Variants in MAGI2 observed in about 807,000 individuals in gnomAD.
MAGI2 encodes membrane-associated guanylate kinase, WW and PDZ domain-containing protein 2.
Under a neutral mutation model 133.3 loss-of-function variants are expected in MAGI2, and 35 were observed. That is an observed-to-expected ratio of 0.26 (90% CI 0.20 to 0.35). The LOEUF is 0.35. MAGI2 is among the 10% of genes least tolerant of loss of function. The probability of loss-of-function intolerance (pLI) is 1.00; values close to 1 mark genes in which losing one functional copy is unlikely to be tolerated. For synonymous variants in MAGI2, 729 were observed against 710.6 expected (o/e 1.03, Z -0.41); for missense variants, 1,636 against 1,863.4 (o/e 0.88, Z 2.25).
At chr7:78,819,326 T>G (rs560732815) in intron 2 of MAGI2, among the ~76,000 whole-genome samples, 1 of 152,090 alleles carries the variant, frequency 6.6e-6, no homozygotes, top group Non-Finnish European at 1.5e-5. Flanking sequence ...TGTATGTAAA[T>G]TTGTCTCCTT....
chr7:78,659,217 G>A (rs747987951), intron 2 of MAGI2, among the ~76,000 whole-genome samples: 27 of 151,918 alleles, frequency 1.8e-4, no homozygotes, highest in Non-Finnish European at 3.4e-4. Context: ...TTGGGAGGCC[G>A]AGGCAGGCGG....
At chr7:79,229,809 T>G (rs1053482770) in intron 1 of MAGI2, among the ~76,000 whole-genome samples, 3 of 152,062 alleles carry the variant, frequency 2.0e-5, no homozygotes, top group Non-Finnish European at 4.4e-5. Flanking sequence ...TTTTTATTAT[T>G]ATACTTTAGG....
intron 1 of MAGI2, among the ~76,000 whole-genome samples, chr7:79,141,637 G>A (rs184303150): frequency 1.3e-5 from 2 of 152,006 alleles, no homozygotes; most frequent in Admixed American, 1.3e-4. Flanking sequence ...AATGCAAATG[G>A]CCAAATAACG....
intron 1 of MAGI2, among the ~76,000 whole-genome samples, chr7:79,441,697 A>C (rs1848507122): frequency 6.6e-6 from 1 of 152,074 alleles, no homozygotes; most frequent in Non-Finnish European, 1.5e-5. Context: ...TCTTCACTTT[A>C]TGGCAAAAAC....
At chr7:78,193,687 T>C (rs1196376227) in intron 12 of MAGI2, among the ~76,000 whole-genome samples, 1 of 152,146 alleles carries the variant, frequency 6.6e-6, no homozygotes, top group Non-Finnish European at 1.5e-5. Flanking sequence ...CCTAAAAATA[T>C]TTCATTTGTT....
chr7:79,012,846 C>T (rs923209489), intron 1 of MAGI2, among the ~76,000 whole-genome samples: 4 of 152,042 alleles, frequency 2.6e-5, no homozygotes, highest in Non-Finnish European at 5.9e-5. Context: ...CCAACAGATC[C>T]GGTGCCTGGT....
chr7:78,663,132 T>G (rs1362074038), intron 2 of MAGI2, among the ~76,000 whole-genome samples: 1 of 152,058 alleles, frequency 6.6e-6, no homozygotes, highest in Non-Finnish European at 1.5e-5. Flanking sequence ...TCTTCCCATT[T>G]TCTTCTATTT....
At chr7:78,758,623 C>T (rs1032571345) in intron 2 of MAGI2, among the ~76,000 whole-genome samples, 1 of 152,190 alleles carries the variant, frequency 6.6e-6, no homozygotes, top group East Asian at 1.9e-4. Flanking sequence ...TTCATGACCA[C>T]AGAGCTTGCC....
chr7:78,570,967 G>T (rs1204046028), intron 3 of MAGI2, among the ~76,000 whole-genome samples: 1 of 152,098 alleles, frequency 6.6e-6, no homozygotes. Flanking sequence ...TGAGGCTGGA[G>T]CAAAATTAGG....
In MAGI2 at chr7:78,567,453, T is replaced by C. The variant is rs116092792; in HGVS notation, c.539-45808A>G. Among the ~76,000 whole-genome samples the C allele has an allele frequency of 7.0e-3, 1,070 of 152,188 alleles. 10 individuals carry two copies. The highest frequency in any genetic ancestry group is 0.024 in the African/African-American group (1,010 of 41,528). On this transcript the variant is annotated intron_variant, in intron 3 of 21. Transcript: ENST00000354212. ...TGCATGACAAATGAGTGACTTTTTT[T>C]CTCTCACACAGACAGAAATATTTCT... is the stretch of plus-strand genomic sequence containing the variant.
chr7:78,316,706 A>C (rs1787442893), intron 9 of MAGI2, among the ~76,000 whole-genome samples: 1 of 152,228 alleles, frequency 6.6e-6, no homozygotes, highest in Non-Finnish European at 1.5e-5. Context: ...GAGTCAACTA[A>C]GGTGAAGAAA....
chr7:78,322,230 C>T (rs534877313), intron 9 of MAGI2, among the ~76,000 whole-genome samples: 14 of 152,100 alleles, frequency 9.2e-5, no homozygotes, highest in Non-Finnish European at 2.1e-4. Context: ...AGAACCAGAA[C>T]TACCATTTGA....
intron 2 of MAGI2, among the ~76,000 whole-genome samples, chr7:78,678,786 C>T (rs552658260): frequency 6.6e-6 from 1 of 152,062 alleles, no homozygotes; most frequent in Non-Finnish European, 1.5e-5. Flanking sequence ...CCATGTTGCC[C>T]AAATGACTAT....
At chr7:78,568,551 C>A (rs767313598) in intron 3 of MAGI2, among the ~76,000 whole-genome samples, 1 of 152,084 alleles carries the variant, frequency 6.6e-6, no homozygotes, top group Non-Finnish European at 1.5e-5. Flanking sequence ...ACCTCTTATC[C>A]GGTTTTATTA....
At chr7:78,964,743 AG>A (rs1584519877) in intron 2 of MAGI2, among the ~76,000 whole-genome samples, 1 of 152,182 alleles carries the variant, frequency 6.6e-6, no homozygotes, top group East Asian at 1.9e-4. Flanking sequence ...GGAATATACA[AG>A]GAGTAGTTAC....
At chr7:79,135,993 A>AAGAGAG (rs1554375862) in intron 1 of MAGI2, among the ~76,000 whole-genome samples, 1 of 49,598 alleles carries the variant, frequency 2.0e-5, no homozygotes, top group African/African-American at 5.2e-5. Flanking sequence ...GAAAGAAAGA[A>AAGAGAG]AGAAAGAAAG....
intron 7 of MAGI2, among the ~76,000 whole-genome samples, chr7:78,356,058 T>C (rs1209343284): frequency 6.6e-6 from 1 of 152,094 alleles, no homozygotes; most frequent in Non-Finnish European, 1.5e-5. Flanking sequence ...GTTCCAAGGG[T>C]TGTCTTTCAG....
chr7:79,352,991 A>G (rs6956190), intron 1 of MAGI2, among the ~76,000 whole-genome samples: 24,443 of 151,976 alleles, frequency 0.16, 2,157 homozygotes, highest in East Asian at 0.21. Context: ...TCATCCTCTC[A>G]TCTACCCTGT....
chr7:78,703,442 A>C (rs1352032337), intron 2 of MAGI2, among the ~76,000 whole-genome samples: 1 of 152,054 alleles, frequency 6.6e-6, no homozygotes, highest in Admixed American at 6.6e-5. Flanking sequence ...TGAACGTGTG[A>C]AGTTTCAGAA....
Sources: gnomAD v4.1 joint callset for allele counts (sites outside exome capture counted in the v4.1 genomes callset) on GRCh38, gnomAD v4.1.1 for gene constraint, MANE v1.5 for transcripts, NCBI Gene and HGNC (gene_info 2026-07-23, HGNC 2026-07-21) for gene names.